Variants in RNF220 observed in about 807,000 individuals in gnomAD.
RNF220 encodes the protein ring finger protein 220.
A neutral mutation model predicts 67.1 loss-of-function variants in RNF220; 7 were observed. That is an observed-to-expected ratio of 0.10 (90% CI 0.06 to 0.20). The LOEUF (loss-of-function observed/expected upper bound fraction) is 0.20, where lower values mean the gene tolerates loss of function less well. RNF220 is among the 10% of genes least tolerant of loss of function. The pLI is 1.00. For missense variants in RNF220, 565 were observed against 740.3 expected (o/e 0.76, Z 2.75); for synonymous variants, 270 against 283.2 (o/e 0.95, Z 0.47).
chr1:44,608,221 G>A (rs1288473628), intron 2 of RNF220, among the ~76,000 whole-genome samples: 1 of 152,118 alleles, frequency 6.6e-6, no homozygotes, highest in Admixed American at 6.5e-5. Flanking sequence ...CACCACACCG[G>A]CCCCATGTAC....
At chr1:44,574,530 G>A (rs183634398) in intron 2 of RNF220, among the ~76,000 whole-genome samples, 3 of 152,270 alleles carry the variant, frequency 2.0e-5, no homozygotes, top group Admixed American at 2.0e-4. Flanking sequence ...CATTTACTTA[G>A]AGAAGCCAGA....
chr1:44,582,263 C>CT (rs1223627250), intron 2 of RNF220, among the ~76,000 whole-genome samples: 1 of 152,208 alleles, frequency 6.6e-6, no homozygotes, highest in Non-Finnish European at 1.5e-5. Context: ...TGGCAGCCCA[C>CT]AAAAGCAGGG....
At chr1:44,587,746 T>C (rs575439876) in intron 2 of RNF220, among the ~76,000 whole-genome samples, 43 of 152,320 alleles carry the variant, frequency 2.8e-4, no homozygotes, top group African/African-American at 9.9e-4. Context: ...TTTCCTCTTC[T>C]GTAAAATGAG....
At chr1:44,644,833 G>C (rs749739685) in intron 9 of RNF220, 39 bp downstream of exon 9, 1 of 1,569,642 alleles carries the variant, frequency 6.4e-7, no homozygotes, top group East Asian at 2.2e-5. Context: ...GGGGCTGATA[G>C]GGCAGGCACA....
chr1:44,575,402 C>T (rs1664734715), intron 2 of RNF220, among the ~76,000 whole-genome samples: 1 of 152,162 alleles, frequency 6.6e-6, no homozygotes, highest in Non-Finnish European at 1.5e-5. Context: ...ATCCATTCAT[C>T]TGTTGGTGGG....
intron 2 of RNF220, among the ~76,000 whole-genome samples, chr1:44,503,730 GT>G (rs1658149341): frequency 2.0e-5 from 3 of 152,208 alleles, no homozygotes; most frequent in Non-Finnish European, 4.4e-5. Context: ...TTAGGCTAGT[GT>G]TTTCAAAGCT....
chr1:44,615,735 T>C (rs1479532553), intron 3 of RNF220, among the ~76,000 whole-genome samples: 1 of 152,170 alleles, frequency 6.6e-6, no homozygotes, highest in Non-Finnish European at 1.5e-5. Flanking sequence ...CAAAGAAGGC[T>C]TCCTCAGAAG....
chr1:44,414,902 C>T (rs1254688328), intron 2 of RNF220, among the ~76,000 whole-genome samples: 1 of 150,794 alleles, frequency 6.6e-6, no homozygotes, highest in Non-Finnish European at 1.5e-5. Flanking sequence ...GGTGTTCGTA[C>T]ACCCTCGTTA....
chr1:44,497,592 C>T lies in RNF220; in HGVS notation c.625+84870C>T, dbSNP rs550410294. Among the ~76,000 whole-genome samples, 5 of 152,290 alleles carry T rather than the reference C, an allele frequency of 3.3e-5. No individual in the cohort carries two copies. In the South Asian group the frequency reaches 6.2e-4, roughly 19 times the overall value. ...CCCATCACCACCATGTGATAATCCT[C>T]GCCTCCAGCCTTAATATTGTCTAAT... On this transcript the variant is annotated intron_variant, in intron 2 of 14. Coordinates refer to ENST00000361799, the MANE Select transcript of RNF220 (RefSeq NM_018150.4).
At chr1:44,599,895 G>C (rs886707967) in intron 2 of RNF220, among the ~76,000 whole-genome samples, 12 of 152,152 alleles carry the variant, frequency 7.9e-5, no homozygotes, top group African/African-American at 2.9e-4. Context: ...GATAGGATCT[G>C]ATTTGTGTTT....
intron 1 of RNF220, among the ~76,000 whole-genome samples, chr1:44,407,665 G>T (rs571474698): frequency 1.4e-4 from 21 of 152,122 alleles, no homozygotes; most frequent in African/African-American, 4.8e-4. Context: ...GGTGTGCGGC[G>T]GCCGGACGGC....
chr1:44,437,263 G>A (rs922230045), intron 2 of RNF220, among the ~76,000 whole-genome samples: 2 of 152,224 alleles, frequency 1.3e-5, no homozygotes, highest in Non-Finnish European at 2.9e-5. Context: ...CCAACTGCAT[G>A]AGCACAGTTT....
chr1:44,506,678 G>A (rs1658460965), intron 2 of RNF220, among the ~76,000 whole-genome samples: 1 of 152,206 alleles, frequency 6.6e-6, no homozygotes, highest in South Asian at 2.1e-4. Context: ...GGGCTTCTTC[G>A]ATGTTCAGAG....
chr1:44,478,035 A>G (rs1655444715), intron 2 of RNF220, among the ~76,000 whole-genome samples: 1 of 152,068 alleles, frequency 6.6e-6, no homozygotes, highest in African/African-American at 2.4e-5. Flanking sequence ...CTGGAGTGCA[A>G]TGGCACAATC....
At chr1:44,468,649 C>T (rs1266667967) in intron 2 of RNF220, among the ~76,000 whole-genome samples, 1 of 152,156 alleles carries the variant, frequency 6.6e-6, no homozygotes, top group Non-Finnish European at 1.5e-5. Context: ...CGCAGTGGCT[C>T]ATGCCTATAA....
At chr1:44,617,837 C>G (rs1488360852) in intron 3 of RNF220, among the ~76,000 whole-genome samples, 1 of 152,160 alleles carries the variant, frequency 6.6e-6, no homozygotes, top group African/African-American at 2.4e-5. Context: ...AAAGGCACAT[C>G]TTTGGAGGCT....
intron 2 of RNF220, among the ~76,000 whole-genome samples, chr1:44,598,902 T>C (rs1666727316): frequency 6.6e-6 from 1 of 152,150 alleles, no homozygotes; most frequent in Non-Finnish European, 1.5e-5. Flanking sequence ...GGTTTCGGCA[T>C]TGCCTCAATT....
At chr1:44,434,941 C>G in intron 2 of RNF220, among the ~76,000 whole-genome samples, 2 of 151,060 alleles carry the variant, frequency 1.3e-5, no homozygotes, top group Middle Eastern at 6.9e-3. Context: ...TGGGGAGGAT[C>G]GCTTGAGCCT....
intron 2 of RNF220, among the ~76,000 whole-genome samples, chr1:44,522,994 TG>T (rs1233824168): frequency 6.6e-6 from 1 of 152,218 alleles, no homozygotes; most frequent in African/African-American, 2.4e-5. Context: ...GCTTTGGGTC[TG>T]GAAGGACTAG....
Sources: gnomAD v4.1 joint callset for allele counts (sites outside exome capture counted in the v4.1 genomes callset) on GRCh38, gnomAD v4.1.1 for gene constraint, MANE v1.5 for transcripts, NCBI Gene and HGNC (gene_info 2026-07-23, HGNC 2026-07-21) for gene names.